The following ERC2 variants were observed in gnomAD, a reference collection of about 807,000 sequenced individuals.
ERC2 encodes ELKS/RAB6-interacting/CAST family member 2.
ERC2 carries 42 observed loss-of-function variants against 114.8 expected under a neutral mutation model. The ratio of observed to expected loss-of-function variants is 0.37; its 90% CI spans 0.29 to 0.47. The LOEUF is 0.47. Among genes scored for constraint, ERC2 ranks in the 20% least tolerant of loss-of-function variants. ERC2 has a pLI of 0.99. For synonymous variants in ERC2, 454 were observed against 425.5 expected (o/e 1.07, Z -0.82); for missense variants, 939 against 1,150.7 (o/e 0.82, Z 2.66).
chr3:55,811,243 G>A (rs2059710752), intron 14 of ERC2, among the ~76,000 whole-genome samples: 1 of 152,172 alleles, frequency 6.6e-6, no homozygotes, highest in Non-Finnish European at 1.5e-5. Context: ...GAACTTTTAA[G>A]AGTAAATGTG....
intron 17 of ERC2, among the ~76,000 whole-genome samples, chr3:55,669,076 C>T (rs1402512022): frequency 1.3e-5 from 2 of 152,208 alleles, no homozygotes; most frequent in African/African-American, 4.8e-5. Context: ...TTCATCTTAT[C>T]AACAAAGAAC....
chr3:56,193,367 G>C (rs2047908172), intron 3 of ERC2, among the ~76,000 whole-genome samples: 1 of 152,090 alleles, frequency 6.6e-6, no homozygotes. Context: ...AATTAGCAGG[G>C]AGTGGTGGCA....
intron 17 of ERC2, among the ~76,000 whole-genome samples, chr3:55,666,957 C>T (rs150772860): frequency 3.9e-5 from 6 of 152,174 alleles, no homozygotes; most frequent in South Asian, 2.1e-4. Context: ...TATTATGTAA[C>T]GAATAATAGC....
At position 56,001,181 on chromosome 3, in the gene ERC2, GAGA is replaced by G. The variant is rs954098314; in HGVS notation, c.2061+5997_2061+5999del. ...GGAAAGAAAGAAGAAAAGAAAAAGA[GAGA>G]AGAAGAACAGCAACAACAAAAAGAT... On this transcript the variant is annotated intron_variant, in intron 10 of 17. Transcript: ENST00000288221. 6.6e-5 allele frequency among the ~76,000 whole-genome samples: 10 copies of G among 151,944 alleles called. No homozygotes were observed. The South Asian group carries it at 8.3e-4, about 13-fold the overall frequency.
intron 15 of ERC2, among the ~76,000 whole-genome samples, chr3:55,732,479 A>G (rs1423691247): frequency 2.6e-5 from 4 of 152,120 alleles, no homozygotes; most frequent in African/African-American, 9.7e-5. Flanking sequence ...TCCCAAATGT[A>G]CCCCATGACA....
At chr3:56,206,288 CA>C (rs2048732559) in intron 3 of ERC2, among the ~76,000 whole-genome samples, 1 of 152,086 alleles carries the variant, frequency 6.6e-6, no homozygotes, top group Non-Finnish European at 1.5e-5. Context: ...TCCATGCCTC[CA>C]AAGCTTTTGG....
At chr3:55,920,415 AACACACACACACAC>A (rs10560997) in intron 13 of ERC2, among the ~76,000 whole-genome samples, 19,544 of 146,802 alleles carry the variant, frequency 0.13, 1,466 homozygotes, top group East Asian at 0.31. Context: ...GGCACACTAA[AACACACACACACAC>A]ACACACACAC....
chr3:55,525,468 C>G (rs1191541497), intron 17 of ERC2, among the ~76,000 whole-genome samples: 1 of 152,026 alleles, frequency 6.6e-6, no homozygotes, highest in Non-Finnish European at 1.5e-5. Context: ...TCAGAGAGGG[C>G]CAGCAAACAT....
At chr3:56,288,407 C>T (rs551021025) in intron 3 of ERC2, among the ~76,000 whole-genome samples, 2 of 152,280 alleles carry the variant, frequency 1.3e-5, no homozygotes, top group African/African-American at 2.4e-5. Flanking sequence ...CTGGTGCCTC[C>T]CCACACCCCC....
In ERC2 at chr3:55,941,704, C is replaced by T. The variant is rs75405273; in HGVS notation, c.2403+8721G>A. On this transcript the variant is annotated intron_variant, in intron 13 of 17. Coordinates refer to ENST00000288221, the MANE Select transcript of ERC2 (RefSeq NM_015576.3). Reference sequence around the variant, plus strand: ...TTCTAAAATATCCACACTTGTTTTCCATCACAAGAGACTTCCTGACTCTCT... The same window carrying T: ...TTCTAAAATATCCACACTTGTTTTCTATCACAAGAGACTTCCTGACTCTCT... 1.9e-4 allele frequency among the ~76,000 whole-genome samples: 29 copies of T among 152,272 alleles called. No individual in the cohort carries two copies. The East Asian group carries it at 5.6e-3, about 29-fold the overall frequency.
chr3:55,956,741 C>G (rs2067980115), intron 12 of ERC2, among the ~76,000 whole-genome samples: 1 of 152,146 alleles, frequency 6.6e-6, no homozygotes, highest in Non-Finnish European at 1.5e-5. Flanking sequence ...AACAGCCCAG[C>G]TGTTTGGCTA....
chr3:55,784,359 A>T (rs1315306352), intron 14 of ERC2, among the ~76,000 whole-genome samples: 2 of 152,212 alleles, frequency 1.3e-5, no homozygotes, highest in African/African-American at 4.8e-5. Flanking sequence ...ATCTTTTCTA[A>T]AAAAGAGAGA....
chr3:55,805,152 A>T (rs1283528930), intron 14 of ERC2, among the ~76,000 whole-genome samples: 1 of 152,048 alleles, frequency 6.6e-6, no homozygotes, highest in Admixed American at 6.5e-5. Context: ...CACGACATAC[A>T]TGAGATCATT....
At chr3:55,678,071 T>C (rs2061895272) in intron 17 of ERC2, among the ~76,000 whole-genome samples, 1 of 152,088 alleles carries the variant, frequency 6.6e-6, no homozygotes, top group South Asian at 2.1e-4. Flanking sequence ...ATAGAAGATA[T>C]AAATATACAG....
intron 1 of ERC2, among the ~76,000 whole-genome samples, chr3:56,439,913 C>T (rs2062210276): frequency 6.6e-6 from 1 of 151,952 alleles, no homozygotes; most frequent in Non-Finnish European, 1.5e-5. Flanking sequence ...ATTTTTCTAT[C>T]CCAGGAATTA....
intron 17 of ERC2, among the ~76,000 whole-genome samples, chr3:55,631,372 G>T (rs552218386): frequency 1.8e-4 from 28 of 152,244 alleles, no homozygotes; most frequent in African/African-American, 6.5e-4. Flanking sequence ...TGCACAAGTT[G>T]GTTTCCAAAC....
At chr3:55,899,296 T>C (rs1319997669) in intron 13 of ERC2, among the ~76,000 whole-genome samples, 1 of 152,214 alleles carries the variant, frequency 6.6e-6, no homozygotes, top group Non-Finnish European at 1.5e-5. Flanking sequence ...ATTCTAAGGA[T>C]ATATAATAAG....
At chr3:56,073,369 C>A (rs968072893) in intron 7 of ERC2, among the ~76,000 whole-genome samples, 1 of 152,182 alleles carries the variant, frequency 6.6e-6, no homozygotes, top group Non-Finnish European at 1.5e-5. Flanking sequence ...CATTTAGCAG[C>A]ACCCCTGGAA....
intron 3 of ERC2, among the ~76,000 whole-genome samples, chr3:56,184,624 T>TGA (rs3052723): frequency 0.11 from 16,640 of 152,114 alleles, 1,409 homozygotes; most frequent in African/African-American, 0.23. Flanking sequence ...TGGTAAGACC[T>TGA]GAGTACAAGC....
Sources: gnomAD v4.1 joint callset for allele counts (sites outside exome capture counted in the v4.1 genomes callset) on GRCh38, gnomAD v4.1.1 for gene constraint, MANE v1.5 for transcripts, NCBI Gene and HGNC (gene_info 2026-07-23, HGNC 2026-07-21) for gene names.